Variants in AMMECR1 observed in about 807,000 individuals in gnomAD.
The protein encoded by AMMECR1 is AMMECR nuclear protein 1, also known as nuclear protein AMMECR1.
Under a neutral mutation model 22.5 loss-of-function variants are expected in AMMECR1, and 3 were observed. The observed-to-expected ratio is 0.13, with a 90% CI of 0.06 to 0.35. The LOEUF (loss-of-function observed/expected upper bound fraction) is 0.35. Ranked by LOEUF, AMMECR1 falls within the 10% of genes least tolerant of loss-of-function variation. The pLI is 1.00. For synonymous variants in AMMECR1, 130 were observed against 116.7 expected (o/e 1.11, Z -0.74); for missense variants, 235 against 278.7 (o/e 0.84, Z 1.12).
intron 1 of AMMECR1, among the ~76,000 whole-genome samples, chrX:110,434,608 A>G (rs1477581540): frequency 8.9e-6 from 1 of 111,797 alleles, no homozygotes; most frequent in East Asian, 2.8e-4. Context: ...GATACTGTCA[A>G]CTGAGGCAGG....
chrX:110,274,184 T>TAG (rs1289155415), intron 1 of AMMECR1, among the ~76,000 whole-genome samples: 2 of 111,750 alleles, frequency 1.8e-5, no homozygotes, highest in African/African-American at 6.5e-5. Flanking sequence ...GGTCTCCTTA[T>TAG]AGAGATCTTT....
upstream of AMMECR1, among the ~76,000 whole-genome samples, chrX:110,318,460 C>T (rs760813868): frequency 1.6e-4 from 18 of 110,343 alleles, no homozygotes; most frequent in Non-Finnish European, 2.7e-4. Context: ...TGGGCACGCC[C>T]GGGAAGGAAG....
At chrX:110,342,244 A>G (rs1346181260) in intron 2 of AMMECR1, among the ~76,000 whole-genome samples, 6 of 112,156 alleles carry the variant, frequency 5.3e-5, no homozygotes, top group African/African-American at 1.6e-4. Flanking sequence ...TACAAGGTAC[A>G]GTACTATTTG....
intron 1 of AMMECR1, among the ~76,000 whole-genome samples, chrX:110,291,663 T>C (rs1242781733): frequency 1.8e-5 from 2 of 112,062 alleles, no homozygotes; most frequent in Non-Finnish European, 3.8e-5. Context: ...ACTGATGTTA[T>C]ATTGCAGAAT....
At chrX:110,198,715 A>C (rs1341792368) in intron 5 of AMMECR1, 81 bp from the exon 6 acceptor site, 1 of 686,399 alleles carries the variant, frequency 1.5e-6, no homozygotes, top group Non-Finnish European at 2.3e-6. Context: ...AGGACCTTAA[A>C]GATAATTTTA....
intron 2 of AMMECR1, among the ~76,000 whole-genome samples, chrX:110,343,826 G>A (rs2068175909): frequency 9.0e-6 from 1 of 110,748 alleles, no homozygotes; most frequent in East Asian, 2.8e-4. Flanking sequence ...ACAAACCACT[G>A]CTCAATGAAA....
chrX:110,345,429 G>A (rs1000752019), intron 2 of AMMECR1, among the ~76,000 whole-genome samples: 1 of 110,039 alleles, frequency 9.1e-6, no homozygotes, highest in Admixed American at 9.7e-5. Flanking sequence ...CACCAACATG[G>A]CACATGTATA....
At chrX:110,381,671 A>G (rs1182574268) in intron 2 of AMMECR1, among the ~76,000 whole-genome samples, 3 of 111,741 alleles carry the variant, frequency 2.7e-5, no homozygotes, top group African/African-American at 9.8e-5. Context: ...TGGAATCAAC[A>G]TAGGTGCCCA....
chrX:110,378,726 G>T (rs2068396752), intron 2 of AMMECR1, among the ~76,000 whole-genome samples: 1 of 111,670 alleles, frequency 9.0e-6, no homozygotes, highest in Non-Finnish European at 1.9e-5. Context: ...ATTCTTTAAT[G>T]CCCAAGACAC....
chrX:110,375,363 C>T (rs1396716835), intron 2 of AMMECR1, among the ~76,000 whole-genome samples: 3 of 111,768 alleles, frequency 2.7e-5, no homozygotes, highest in African/African-American at 9.8e-5. Flanking sequence ...CCCTACTAAC[C>T]GCACAACTTT....
At chrX:110,233,010 C>CA (rs1261966170) in intron 2 of AMMECR1, among the ~76,000 whole-genome samples, 1 of 102,749 alleles carries the variant, frequency 9.7e-6, no homozygotes, top group African/African-American at 3.6e-5. Context: ...GAGAGACACA[C>CA]AAAAAAACCC....
intron 2 of AMMECR1, among the ~76,000 whole-genome samples, chrX:110,228,721 T>C (rs149305579): frequency 2.7e-5 from 3 of 110,846 alleles, no homozygotes; most frequent in Non-Finnish European, 3.8e-5. Context: ...CAACACTATG[T>C]GTGTGTGGAG....
At chrX:110,224,839 G>GA (rs1221725330) in intron 2 of AMMECR1, 1 of 258,195 alleles carries the variant, frequency 3.9e-6, no homozygotes, top group African/African-American at 2.9e-5. Context: ...ACAAAAACAA[G>GA]AAAAATGATT....
intron 2 of AMMECR1, chrX:110,346,640 C>A: frequency 3.6e-6 from 2 of 555,576 alleles, no homozygotes; most frequent in Non-Finnish European, 6.6e-6. Flanking sequence ...TCAAATGTAT[C>A]TCTCTTGAAT....
intron 2 of AMMECR1, among the ~76,000 whole-genome samples, chrX:110,363,950 C>T (rs377308896): frequency 2.7e-5 from 3 of 111,910 alleles, no homozygotes; most frequent in African/African-American, 6.5e-5. Flanking sequence ...GCCCATAAAA[C>T]GGAATGAGTG....
chrX:110,387,226 A>G (rs1024471139), intron 2 of AMMECR1, among the ~76,000 whole-genome samples: 42 of 112,429 alleles, frequency 3.7e-4, no homozygotes, highest in African/African-American at 1.4e-3. Context: ...GAATCCCCAC[A>G]GTCCCACCTT....
chrX:110,422,848 A>T (rs2068727520), intron 2 of AMMECR1, among the ~76,000 whole-genome samples: 1 of 112,495 alleles, frequency 8.9e-6, no homozygotes, highest in African/African-American at 3.2e-5. Flanking sequence ...GCCTTGGCGA[A>T]CAGCCAATCC....
At chrX:110,258,470 T>C (rs2067721811) in intron 2 of AMMECR1, among the ~76,000 whole-genome samples, 1 of 111,976 alleles carries the variant, frequency 8.9e-6, no homozygotes, top group Non-Finnish European at 1.9e-5. Context: ...AACTGTACCT[T>C]AAATTAAGTG....
At chrX:110,330,484 A>G (rs113936835) in intron 2 of AMMECR1, among the ~76,000 whole-genome samples, 3,205 of 112,196 alleles carry the variant, frequency 0.029, 118 homozygotes, top group African/African-American at 0.1. Flanking sequence ...ACTGAAATTG[A>G]GAGTAAGAAT....
Sources: gnomAD v4.1 joint callset for allele counts (sites outside exome capture counted in the v4.1 genomes callset) on GRCh38, gnomAD v4.1.1 for gene constraint, MANE v1.5 for transcripts, NCBI Gene and HGNC (gene_info 2026-07-23, HGNC 2026-07-21) for gene names.